Variants in AFF2 observed in about 807,000 individuals in gnomAD.
The protein encoded by AFF2 is AF4/FMR2 family member 2.
AFF2 carries 14 observed loss-of-function variants against 76.9 expected under a neutral mutation model. The ratio of observed to expected loss-of-function variants is 0.18; its 90% confidence interval spans 0.12 to 0.28. The LOEUF (loss-of-function observed/expected upper bound fraction) is 0.28. AFF2 is among the 10% of genes least tolerant of loss of function. The pLI, the probability that AFF2 is intolerant of heterozygous loss-of-function variation, is 1.00. For synonymous variants in AFF2, 398 were observed against 366.7 expected (o/e 1.09, Z -0.98); for missense variants, 868 against 1,001.1 (o/e 0.87, Z 1.79).
At chrX:148,543,489 A>G (rs1029959987) in intron 1 of AFF2, among the ~76,000 whole-genome samples, 7 of 111,143 alleles carry the variant, frequency 6.3e-5, no homozygotes, top group African/African-American at 2.3e-4. Context: ...TAGACAAGGA[A>G]TTCTAAGCTG....
chrX:148,932,642 TG>T (rs1363473289), intron 9 of AFF2, among the ~76,000 whole-genome samples: 2 of 111,927 alleles, frequency 1.8e-5, no homozygotes, highest in East Asian at 5.6e-4. Context: ...AAAGAATGAC[TG>T]TGAAGATTGA....
At chrX:148,675,866 G>A (rs2054477035) in intron 3 of AFF2, among the ~76,000 whole-genome samples, 1 of 109,673 alleles carries the variant, frequency 9.1e-6, no homozygotes, top group African/African-American at 3.3e-5. Flanking sequence ...AGTCAAGATT[G>A]ATGGATAAAA....
chrX:148,797,588 C>T (rs782554167), intron 3 of AFF2, among the ~76,000 whole-genome samples: 184 of 112,127 alleles, frequency 1.6e-3, no homozygotes, highest in Non-Finnish European at 2.7e-3. Flanking sequence ...AATTTTTTCT[C>T]TTATTCAAAG....
chrX:148,631,858 C>G (rs782760164), intron 1 of AFF2, among the ~76,000 whole-genome samples: 1 of 112,048 alleles, frequency 8.9e-6, no homozygotes, highest in South Asian at 3.7e-4. Flanking sequence ...CACAAAGGCT[C>G]AGATCAGCTA....
chrX:148,903,114 T>A (rs781816391), intron 8 of AFF2, among the ~76,000 whole-genome samples: 1 of 111,065 alleles, frequency 9.0e-6, no homozygotes, highest in East Asian at 2.8e-4. Context: ...CCTCCAAGAT[T>A]CACAAAGATC....
At chrX:148,559,885 TCCC>T (rs2053091235) in intron 1 of AFF2, among the ~76,000 whole-genome samples, 1 of 111,772 alleles carries the variant, frequency 8.9e-6, no homozygotes, top group African/African-American at 3.3e-5. Context: ...TAATTTACAC[TCCC>T]ACCAACAGTG....
At chrX:148,718,573 G>T (rs2055053704) in intron 3 of AFF2, among the ~76,000 whole-genome samples, 1 of 111,530 alleles carries the variant, frequency 9.0e-6, no homozygotes, top group African/African-American at 3.3e-5. Flanking sequence ...TGAATCAAAG[G>T]TATATAACTG....
At position 148,500,637 on chromosome X, in the gene AFF2, T is replaced by TGCCGCCGCCGCTGCCGCCGCCGCC. The variant is rs2052327360; in HGVS notation, c.-450_-449insTGCCGCCGCCGCCGCCGCCGCCGC. ...CCGCCGCCGCCGCCTGTGCAGCCGC[T>TGCCGCCGCCGCTGCCGCCGCCGCC]GCCGCCGCCGCCGCCGCCGCCGCCG... is the stretch of plus-strand genomic sequence containing the variant. On this transcript the variant is annotated 5_prime_UTR_variant, in exon 1 of 21. Coordinates refer to ENST00000370460, the MANE Select transcript of AFF2 (RefSeq NM_002025.4). The TGCCGCCGCCGCTGCCGCCGCCGCC allele has an allele frequency of 1.4e-5, 1 of 73,753 alleles. No individual in the cohort carries two copies. Among genetic ancestry groups the TGCCGCCGCCGCTGCCGCCGCCGCC allele is most frequent in the Non-Finnish European group, 2.6e-5 (1 of 38,085 alleles). 6.1% of individuals were successfully genotyped at this position (73,753 alleles called of 1,213,427 possible). A position where few individuals can be genotyped will look rare whatever the true frequency, so the allele number is the denominator to read the frequency against.
At chrX:148,738,046 C>G (rs1177378521) in intron 3 of AFF2, among the ~76,000 whole-genome samples, 1 of 111,173 alleles carries the variant, frequency 9.0e-6, no homozygotes, top group Non-Finnish European at 1.9e-5. Flanking sequence ...ATTTTAGCAT[C>G]TATATTCATC....
chrX:148,583,310 G>A (rs2053433531), intron 1 of AFF2, among the ~76,000 whole-genome samples: 1 of 111,858 alleles, frequency 8.9e-6, no homozygotes, highest in Non-Finnish European at 1.9e-5. Flanking sequence ...ACTAGATTTA[G>A]CATTCATTGA....
intron 1 of AFF2, among the ~76,000 whole-genome samples, chrX:148,618,105 A>G (rs1402427390): frequency 3.6e-5 from 4 of 111,757 alleles, no homozygotes; most frequent in African/African-American, 9.8e-5. Context: ...AAAGTTATTT[A>G]TAACCTGAAT....
chrX:148,802,690 T>C (rs781892856), intron 3 of AFF2, among the ~76,000 whole-genome samples: 89 of 111,564 alleles, frequency 8.0e-4, no homozygotes, highest in African/African-American at 2.7e-3. Flanking sequence ...AACTACTGTT[T>C]CCTGTCAGGT....
chrX:148,644,064 AC>A lies in AFF2; in HGVS notation c.48-7934del, dbSNP rs2054116708. ...GAAAATGGAGTTTTAGTGCACTCTT[AC>A]AATATTTTTGACAATCAATATCCAT... On this transcript the variant is annotated intron_variant, in intron 1 of 20. Coordinates refer to ENST00000370460, the MANE Select transcript of AFF2 (RefSeq NM_002025.4). Among the ~76,000 whole-genome samples, 4 of 111,737 alleles carry A rather than the reference AC, an allele frequency of 3.6e-5. No homozygotes were observed. In the Admixed American group the frequency reaches 3.8e-4, roughly 11 times the overall value.
intron 1 of AFF2, among the ~76,000 whole-genome samples, chrX:148,523,015 C>G (rs2052618332): frequency 8.9e-6 from 1 of 112,107 alleles, no homozygotes. Flanking sequence ...GTCCTTGAAA[C>G]AGGAATTCGA....
intron 1 of AFF2, among the ~76,000 whole-genome samples, chrX:148,537,697 T>C (rs1311617716): frequency 1.8e-5 from 2 of 110,620 alleles, no homozygotes; most frequent in African/African-American, 6.6e-5. Context: ...CCTGGCTGCA[T>C]GTGTTACTTT....
chrX:148,798,883 C>G (rs912130428), intron 3 of AFF2, among the ~76,000 whole-genome samples: 1 of 111,595 alleles, frequency 9.0e-6, no homozygotes, highest in East Asian at 2.8e-4. Context: ...GTCACAGACC[C>G]TTTATGACAC....
chrX:148,519,088 TG>T (rs1361403714), intron 1 of AFF2, among the ~76,000 whole-genome samples: 3 of 111,765 alleles, frequency 2.7e-5, no homozygotes, highest in Non-Finnish European at 5.6e-5. Flanking sequence ...TAATTACTGT[TG>T]CCTCCTATTG....
intron 4 of AFF2, among the ~76,000 whole-genome samples, chrX:148,835,125 G>A (rs1419976916): frequency 1.8e-5 from 2 of 111,671 alleles, no homozygotes; most frequent in African/African-American, 6.5e-5. Context: ...AAACCTAGGG[G>A]AAAAGGTACA....
At chrX:148,608,852 G>A (rs1221129635) in intron 1 of AFF2, among the ~76,000 whole-genome samples, 6 of 111,586 alleles carry the variant, frequency 5.4e-5, no homozygotes, top group Non-Finnish European at 7.5e-5. Context: ...TTAACAACAC[G>A]AATGTTTAGT....
Sources: gnomAD v4.1 joint callset for allele counts (sites outside exome capture counted in the v4.1 genomes callset) on GRCh38, gnomAD v4.1.1 for gene constraint, MANE v1.5 for transcripts, NCBI Gene and HGNC (gene_info 2026-07-23, HGNC 2026-07-21) for gene names.